Variants in MEF2D observed in about 807,000 individuals in gnomAD.
The protein encoded by MEF2D is myocyte-specific enhancer factor 2D.
A neutral mutation model predicts 59.3 loss-of-function variants in MEF2D; 10 were observed. The observed-to-expected ratio is 0.17, with a 90% CI of 0.10 to 0.29. The LOEUF is 0.29. Among genes scored for constraint, MEF2D ranks in the 10% least tolerant of loss-of-function variants. The pLI is 1.00. For synonymous variants in MEF2D, 305 were observed against 295.0 expected, an observed-to-expected ratio of 1.03 and a Z score of -0.35; for missense variants, 508 against 699.4, an observed-to-expected ratio of 0.73 and a Z score of 3.09.
At chr1:156,480,680 T>A in intron 4 of MEF2D, 154 bp downstream of exon 4, 1 of 1,575,136 alleles carries the variant, frequency 6.3e-7, no homozygotes, top group Non-Finnish European at 8.6e-7. Context: ...ATCAAACTCC[T>A]CGTCTATCTT....
At chr1:156,473,834 C>T (rs1486564645) in intron 9 of MEF2D, among the ~76,000 whole-genome samples, 1 of 152,176 alleles carries the variant, frequency 6.6e-6, no homozygotes, top group East Asian at 1.9e-4. Context: ...ATCATCATTC[C>T]ACCACCATGC....
intron 9 of MEF2D, 37 bp from the exon 10 acceptor site, chr1:156,469,057 G>C: frequency 6.4e-7 from 1 of 1,564,274 alleles, no homozygotes; most frequent in East Asian, 2.3e-5. Flanking sequence ...CCTGGAGTTG[G>C]GGAGAGCACA....
At position 156,468,908 on chromosome 1, in the gene MEF2D, CGGCTGCTGG is replaced by C. The variant is rs765877974; in HGVS notation, c.1110_1118del (p.Gln375_Gln377del). ...GCTGCTGTGGAGGCTGTGGCTGCTGCGGCTGCTGGGGCTGCTGTGGCTGTTGCCAGGCAG... is the reference window on the plus strand; with the variant it reads ...GCTGCTGTGGAGGCTGTGGCTGCTGCGGCTGCTGTGGCTGTTGCCAGGCAG... On this transcript the variant is annotated inframe_deletion, in exon 10 of 12. Coordinates refer to ENST00000348159, the MANE Select transcript of MEF2D (RefSeq NM_005920.4). The surrounding 1 kb of genome is among the most constrained non-coding windows in gnomAD (Gnocchi z 4.3). 33 of 1,613,344 alleles carry C rather than the reference CGGCTGCTGG, an allele frequency of 2.0e-5. No individual in the cohort carries two copies. The highest frequency in any genetic ancestry group is 2.0e-4 in the Admixed American group (12 of 59,994).
chr1:156,488,134 G>A (rs909856961), intron 1 of MEF2D, among the ~76,000 whole-genome samples: 8 of 152,262 alleles, frequency 5.3e-5, no homozygotes, highest in African/African-American at 1.9e-4. Flanking sequence ...CTGACTCCGT[G>A]GACAGGACAA....
intron 4 of MEF2D, among the ~76,000 whole-genome samples, chr1:156,480,359 C>T (rs1240198252): frequency 6.6e-6 from 1 of 152,182 alleles, no homozygotes; most frequent in African/African-American, 2.4e-5. Flanking sequence ...AAAAAAACAT[C>T]TGGACAAAGA....
chr1:156,475,245 A>G lies in MEF2D; in HGVS notation c.877-8T>C, dbSNP rs1258215034. The G allele has an allele frequency of 1.9e-6, 3 of 1,595,178 alleles. No individual in the cohort carries two copies. Among genetic ancestry groups the G allele is most frequent in the Admixed American group, 1.7e-5 (1 of 57,538 alleles). On this transcript the variant is annotated splice_region_variant and splice_polypyrimidine_tract_variant and intron_variant, in intron 8 of 11. Coordinates refer to ENST00000348159, the MANE Select transcript of MEF2D (RefSeq NM_005920.4). ...AAGGCGCTGGGCATTGTTCTGTAGG[A>G]GAAAACTGTCCGTCAGGAGGTGGCT...
At chr1:156,489,696 G>C (rs1411607214) in intron 1 of MEF2D, among the ~76,000 whole-genome samples, 3 of 152,186 alleles carry the variant, frequency 2.0e-5, no homozygotes, top group African/African-American at 7.2e-5. Flanking sequence ...ACAGACAAGG[G>C]AGGGGCAGGT....
intron 1 of MEF2D, among the ~76,000 whole-genome samples, chr1:156,492,833 G>C (rs190127734): frequency 2.6e-5 from 4 of 152,174 alleles, no homozygotes; most frequent in Non-Finnish European, 5.9e-5. Context: ...CTTGAGAGCC[G>C]TTGGAATGAG....
intron 1 of MEF2D, chr1:156,490,682 C>G (rs949311674): frequency 6.6e-6 from 1 of 152,294 alleles, no homozygotes; most frequent in African/African-American, 2.4e-5. Context: ...GGGGAGCACA[C>G]GGTATGGAGA....
chr1:156,499,758 T>C (rs1673370761), intron 1 of MEF2D, among the ~76,000 whole-genome samples: 1 of 151,996 alleles, frequency 6.6e-6, no homozygotes, highest in South Asian at 2.1e-4. Context: ...GTTCTCCAGT[T>C]GGGGTTACTG....
intron 9 of MEF2D, among the ~76,000 whole-genome samples, chr1:156,470,024 G>C (rs887809842): frequency 1.3e-5 from 2 of 152,254 alleles, no homozygotes; most frequent in African/African-American, 2.4e-5. Context: ...CGGGAGCACA[G>C]CTGGCCAAGG....
chr1:156,480,922 C>T lies in MEF2D; in HGVS notation c.308G>A (p.Gly103Glu). 1.9e-6 allele frequency: 3 copies of T among 1,612,236 alleles called. No individual in the cohort carries two copies. The highest frequency in any genetic ancestry group is 8.5e-7 in the Non-Finnish European group (1 of 1,179,780). Residue 103 changes from glycine to glutamate, a missense_variant, in exon 4 of 12, where the codon GGG becomes GAG. Coordinates refer to ENST00000348159, the MANE Select transcript of MEF2D (RefSeq NM_005920.4). ...GGGGCTCTGTTCCAGCGAGTCCTCC[C>T]CGTCGGGCTCGGGGCTGTCGCAGCC... is the stretch of plus-strand genomic sequence containing the variant. ...FNGCDSPEPD[G>E]EDSLEQSPLL...
chr1:156,487,898 T>C (rs1315378054), intron 1 of MEF2D, among the ~76,000 whole-genome samples: 1 of 152,178 alleles, frequency 6.6e-6, no homozygotes, highest in Non-Finnish European at 1.5e-5. Flanking sequence ...CTTCTAACCA[T>C]CTCTCCTTCA....
chr1:156,476,430 TG>T, intron 8 of MEF2D, 63 bp downstream of exon 8: 2 of 1,573,868 alleles, frequency 1.3e-6, no homozygotes, highest in East Asian at 2.3e-5. Context: ...TACTTCATGC[TG>T]GGGGACCGCA....
At chr1:156,476,823 T>A in intron 7 of MEF2D, 189 bp downstream of exon 7, 1 of 698,692 alleles carries the variant, frequency 1.4e-6, no homozygotes, top group South Asian at 1.9e-5. Flanking sequence ...GGCTGGTACT[T>A]CTTGTGCTGC....
intron 9 of MEF2D, among the ~76,000 whole-genome samples, chr1:156,470,305 G>C (rs1056567928): frequency 2.0e-5 from 3 of 151,842 alleles, no homozygotes; most frequent in African/African-American, 7.3e-5. Context: ...TGTAATCCCA[G>C]CTACTAGGGA....
intron 4 of MEF2D, 172 bp downstream of exon 4, chr1:156,480,662 A>C: frequency 6.4e-7 from 1 of 1,557,720 alleles, no homozygotes; most frequent in South Asian, 1.2e-5. Flanking sequence ...ATAACTCTGC[A>C]TCATTTTATC....
intron 8 of MEF2D, 47 bp from the exon 9 acceptor site, chr1:156,475,284 C>A (rs764300092): frequency 3.1e-5 from 48 of 1,532,610 alleles, no homozygotes; most frequent in Admixed American, 8.2e-5. Context: ...AGGTGGGCAG[C>A]TTTATGTTGG....
At chr1:156,480,404 T>A (rs1035691810) in intron 4 of MEF2D, among the ~76,000 whole-genome samples, 2 of 151,978 alleles carry the variant, frequency 1.3e-5, no homozygotes, top group East Asian at 1.9e-4. Context: ...AAGGATCTCA[T>A]GTCATCTACA....
Sources: gnomAD v4.1 joint callset for allele counts (sites outside exome capture counted in the v4.1 genomes callset) on GRCh38, gnomAD v4.1.1 for gene constraint, Gnocchi (gnomAD v3.1) non-coding constraint, MANE v1.5 for transcripts, NCBI Gene and HGNC (gene_info 2026-07-23, HGNC 2026-07-21) for gene names.